The following SLC7A14 variants were observed in gnomAD, a reference collection of about 807,000 sequenced individuals.
The protein encoded by SLC7A14 is solute carrier family 7 member 14.
Under a neutral mutation model 60.2 loss-of-function variants are expected in SLC7A14, and 37 were observed. That is an observed-to-expected ratio of 0.61 (90% CI 0.47 to 0.81). The LOEUF is 0.81. Among genes scored for constraint, SLC7A14 ranks in the 30% least tolerant of loss-of-function variants. The pLI, the probability that SLC7A14 is intolerant of heterozygous loss-of-function variation, is 0.00. For synonymous variants in SLC7A14, 399 were observed against 395.8 expected, an observed-to-expected ratio of 1.01 and a Z score of -0.10; for missense variants, 886 against 982.7, an observed-to-expected ratio of 0.90 and a Z score of 1.32.
rs1182463277 is a variant in SLC7A14 at position 170,459,928 on chromosome 3, A to G, written c.*7127T>C. 6.6e-6 allele frequency: 1 copy of G among 152,238 alleles called. No homozygotes were observed. Among genetic ancestry groups the G allele is most frequent in the Admixed American group, 6.5e-5 (1 of 15,290 alleles). 9.4% of individuals were successfully genotyped at this position (152,238 alleles called of 1,614,324 possible). A position where few individuals can be genotyped will look rare whatever the true frequency, so the allele number is the denominator to read the frequency against. ...GCACACAATAAAGCTTTATGCATTT[A>G]TTAAAATATACACATTTTGTTAAAT... On this transcript the variant is annotated 3_prime_UTR_variant, in exon 8 of 8. Coordinates refer to ENST00000231706, the MANE Select transcript of SLC7A14 (RefSeq NM_020949.3).
chr3:170,497,306 T>C (rs1331579170), intron 4 of SLC7A14, among the ~76,000 whole-genome samples: 1 of 152,178 alleles, frequency 6.6e-6, no homozygotes, highest in Non-Finnish European at 1.5e-5. Context: ...AGTTTCAGTA[T>C]TTATTCATTT....
At chr3:170,500,536 G>A (rs973957291) in intron 3 of SLC7A14, among the ~76,000 whole-genome samples, 3 of 150,808 alleles carry the variant, frequency 2.0e-5, no homozygotes, top group Non-Finnish European at 2.9e-5. Flanking sequence ...TGATGGTTTA[G>A]CATTCACTGT....
At chr3:170,525,314 T>C (rs1406585658) in intron 2 of SLC7A14, among the ~76,000 whole-genome samples, 1 of 152,276 alleles carries the variant, frequency 6.6e-6, no homozygotes, top group Non-Finnish European at 1.5e-5. Flanking sequence ...GAAAAGGCAA[T>C]AGGAGAGCCA....
intron 5 of SLC7A14, 84 bp from the exon 6 acceptor site, chr3:170,483,606 G>A: frequency 6.9e-7 from 1 of 1,443,308 alleles, no homozygotes. Context: ...AAAGAGCCCT[G>A]CCCCTGGAGG....
At chr3:170,516,568 AT>A (rs1391231775) in intron 2 of SLC7A14, among the ~76,000 whole-genome samples, 2 of 142,726 alleles carry the variant, frequency 1.4e-5, no homozygotes, top group East Asian at 2.0e-4. Context: ...CAAAAAAAAA[AT>A]AATAATAACA....
chr3:170,526,743 C>A lies in SLC7A14; in HGVS notation c.194G>T (p.Ser65Ile), dbSNP rs1476831781. 6.2e-7 allele frequency: 1 copy of A among 1,614,132 alleles called. No individual in the cohort carries two copies. Among genetic ancestry groups the A allele is most frequent in the African/African-American group, 1.3e-5 (1 of 74,936 alleles). The change falls in exon 2 of 8, where the codon AGC (serine) becomes ATC (isoleucine). Residue 65 changes from serine (S) to isoleucine (I), a missense_variant. By Grantham distance (142) the Ser-to-Ile change is moderately radical (BLOSUM62 -2). Transcript: ENST00000231706. ...TVDLISLGVG[S>I]CVGTGMYVVS... ...CACATACATGCCAGTGCCCACACAGCTGCCAACGCCAAGAGAGATGAGGTC... is the reference window on the plus strand; with the variant it reads ...CACATACATGCCAGTGCCCACACAGATGCCAACGCCAAGAGAGATGAGGTC...
chr3:170,509,967 A>G (rs541433122), intron 2 of SLC7A14, among the ~76,000 whole-genome samples: 18 of 151,290 alleles, frequency 1.2e-4, no homozygotes, highest in Non-Finnish European at 2.1e-4. Flanking sequence ...AATTCCAGCT[A>G]CTCAGGAGGC....
chr3:170,523,876 A>C (rs191723732), intron 2 of SLC7A14, among the ~76,000 whole-genome samples: 117 of 152,336 alleles, frequency 7.7e-4, no homozygotes, highest in African/African-American at 2.4e-3. Context: ...ACCAACAATC[A>C]TAAGAGTGAG....
intron 3 of SLC7A14, among the ~76,000 whole-genome samples, chr3:170,499,199 T>C (rs1019847503): frequency 2.5e-5 from 3 of 119,494 alleles, no homozygotes; most frequent in African/African-American, 3.4e-5. Context: ...ATCACGCCAC[T>C]GCACTCCAGC....
rs757905022 is a variant in SLC7A14 at position 170,467,389 on chromosome 3, G to A, written c.1994-12C>T. 1 of 1,564,818 alleles carries A rather than the reference G, an allele frequency of 6.4e-7. No homozygotes were observed. Among genetic ancestry groups the A allele is most frequent in the African/African-American group, 1.4e-5 (1 of 73,436 alleles). On this transcript the variant is annotated splice_polypyrimidine_tract_variant and intron_variant, in intron 7 of 7. Transcript: ENST00000231706. ...ATAAATGAGCAGACCTGTGGGGCGA[G>A]GGGAAAGGTACAGGTGAATAAGCAA... is the stretch of plus-strand genomic sequence containing the variant.
intron 4 of SLC7A14, chr3:170,495,678 G>A (rs1712364508): frequency 2.2e-6 from 2 of 894,452 alleles, no homozygotes; most frequent in Admixed American, 1.7e-5. Context: ...TAACCTGGAG[G>A]TAGATCCCAA....
intron 7 of SLC7A14, among the ~76,000 whole-genome samples, chr3:170,478,294 T>C (rs778238248): frequency 2.6e-5 from 4 of 152,146 alleles, no homozygotes; most frequent in Non-Finnish European, 5.9e-5. Context: ...GCCAGGCTAG[T>C]CTCGAACTCC....
rs200404625 is a variant in SLC7A14, at chr3:170,481,071, A to G, written c.1211T>C (p.Leu404Ser). 2 of 1,614,144 alleles carry G rather than the reference A, an allele frequency of 1.2e-6. No homozygotes were observed. The highest frequency in any genetic ancestry group is 1.7e-6 in the Non-Finnish European group (2 of 1,180,018). ...AGACATCATCTCTATCAGGTCTCTC[A>G]AGCTGACCAACAGTGCGAGGAGCGC... ...LAALLALLVS[L>S]RDLIEMMSIG... Residue 404 changes from leucine (L) to serine (S), a missense_variant, in exon 7 of 8, where the codon TTG becomes TCG. Leu to Ser is a moderately radical substitution (Grantham distance 145). Transcript: ENST00000231706.
chr3:170,472,627 C>G lies in SLC7A14; in HGVS notation c.1994-5250G>C, dbSNP rs533364504. ...AAAAAATACAAAAAAATTAGCCGGG[C>G]ATGGCGGTGGGCACCTGTAGTCCCA... On this transcript the variant is annotated intron_variant, in intron 7 of 7. Coordinates refer to ENST00000231706, the MANE Select transcript of SLC7A14 (RefSeq NM_020949.3). Among the ~76,000 whole-genome samples the G allele has an allele frequency of 2.0e-5, 3 of 151,552 alleles. No homozygotes were observed. The East Asian group carries it at 5.9e-4, about 30-fold the overall frequency.
At chr3:170,495,189 T>G (rs994012080) in intron 4 of SLC7A14, among the ~76,000 whole-genome samples, 1 of 152,114 alleles carries the variant, frequency 6.6e-6, no homozygotes, top group African/African-American at 2.4e-5. Flanking sequence ...GATTTTGCTG[T>G]TTTTTTGCAA....
Position 170,473,788 on chromosome 3 carries a change from T to C in SLC7A14, c.1994-6411A>G, listed in dbSNP as rs138430788. ...CAGGAAGAGCAGGCTTAGGATGAAG[T>C]TGGGCGGAGATTCTCTCCATGACCC... is the stretch of plus-strand genomic sequence containing the variant. On this transcript the variant is annotated intron_variant, in intron 7 of 7. Transcript: ENST00000231706. Among the ~76,000 whole-genome samples, 911 of 152,298 alleles carry C rather than the reference T, an allele frequency of 6.0e-3. 11 individuals carry two copies. The highest frequency in any genetic ancestry group is 0.021 in the African/African-American group (855 of 41,560).
At chr3:170,572,270 T>C (rs981222899) in intron 1 of SLC7A14, among the ~76,000 whole-genome samples, 2 of 152,158 alleles carry the variant, frequency 1.3e-5, no homozygotes, top group Non-Finnish European at 2.9e-5. Context: ...ATGGACTGTA[T>C]AGATGGTGAG....
chr3:170,533,787 C>T (rs866078064), intron 1 of SLC7A14, among the ~76,000 whole-genome samples: 5 of 152,268 alleles, frequency 3.3e-5, no homozygotes, highest in Middle Eastern at 6.8e-3. Flanking sequence ...GCTTTAAAAC[C>T]AGGGTTCCTG....
intron 1 of SLC7A14, among the ~76,000 whole-genome samples, chr3:170,578,626 A>G (rs1394020669): frequency 1.3e-5 from 2 of 152,238 alleles, no homozygotes; most frequent in African/African-American, 4.8e-5. Flanking sequence ...TAGTAATTGT[A>G]TATAAGTATT....
Sources: gnomAD v4.1 joint callset for allele counts (sites outside exome capture counted in the v4.1 genomes callset) on GRCh38, gnomAD v4.1.1 for gene constraint, MANE v1.5 for transcripts, NCBI Gene and HGNC (gene_info 2026-07-23, HGNC 2026-07-21) for gene names.